The following MACROD2 variants were observed in gnomAD, a reference collection of about 807,000 sequenced individuals.
MACROD2 encodes ADP-ribose glycohydrolase MACROD2.
Under a neutral mutation model 70.4 loss-of-function variants are expected in MACROD2, and 36 were observed. The observed-to-expected ratio is 0.51, with a 90% CI of 0.39 to 0.68. MACROD2 has a LOEUF of 0.68. Among genes scored for constraint, MACROD2 ranks in the 30% least tolerant of loss-of-function variants. The pLI is 0.00. For synonymous variants in MACROD2, 172 were observed against 178.8 expected, an observed-to-expected ratio of 0.96 and a Z score of 0.30; for missense variants, 496 against 538.4, an observed-to-expected ratio of 0.92 and a Z score of 0.78.
chr20:14,054,014 CATCTTGCGA>C (rs1246349741), intron 2 of MACROD2, among the ~76,000 whole-genome samples: 1 of 151,938 alleles, frequency 6.6e-6, no homozygotes, highest in African/African-American at 2.4e-5. Flanking sequence ...ATATAGAAAC[CATCTTGCGA>C]ATTGGTTTGT....
chr20:14,494,952 A>C (rs532274469), intron 4 of MACROD2, among the ~76,000 whole-genome samples: 1 of 152,156 alleles, frequency 6.6e-6, no homozygotes, highest in Non-Finnish European at 1.5e-5. Context: ...ATTTTAAGAA[A>C]CCTCACGAAT....
chr20:15,968,828 TATATATATATAC>T (rs1218057254), intron 13 of MACROD2, among the ~76,000 whole-genome samples: 2 of 120,676 alleles, frequency 1.7e-5, no homozygotes, highest in Non-Finnish European at 3.4e-5. Context: ...TATATATATA[TATATATATATAC>T]ACACATATAC....
intron 8 of MACROD2, among the ~76,000 whole-genome samples, chr20:15,512,817 A>G (rs1395026786): frequency 6.6e-6 from 1 of 152,136 alleles, no homozygotes; most frequent in Non-Finnish European, 1.5e-5. Context: ...ATTAAAATTC[A>G]TTGCTGAGAA....
intron 6 of MACROD2, among the ~76,000 whole-genome samples, chr20:15,357,892 C>T (rs184613820): frequency 4.6e-5 from 7 of 151,464 alleles, no homozygotes; most frequent in South Asian, 2.1e-4. Flanking sequence ...CTGCAAGCTC[C>T]GCCTCCCGGG....
intron 4 of MACROD2, among the ~76,000 whole-genome samples, chr20:14,531,794 A>G (rs1180954665): frequency 1.3e-5 from 2 of 152,306 alleles, no homozygotes; most frequent in East Asian, 3.9e-4. Flanking sequence ...TCTCAGACAC[A>G]GAGCCACTAG....
At chr20:15,753,575 A>G (rs1225478131) in intron 8 of MACROD2, among the ~76,000 whole-genome samples, 1 of 152,222 alleles carries the variant, frequency 6.6e-6, no homozygotes, top group Non-Finnish European at 1.5e-5. Context: ...TGCAATGAAC[A>G]TACAAGTACT....
At chr20:14,750,574 C>T (rs898945873) in intron 5 of MACROD2, among the ~76,000 whole-genome samples, 8 of 152,018 alleles carry the variant, frequency 5.3e-5, no homozygotes, top group African/African-American at 1.7e-4. Context: ...ATCTGCTCAC[C>T]TTAGCCTCCT....
At chr20:15,228,327 A>G (rs1262098030) in intron 5 of MACROD2, among the ~76,000 whole-genome samples, 1 of 152,146 alleles carries the variant, frequency 6.6e-6, no homozygotes, top group Non-Finnish European at 1.5e-5. Flanking sequence ...TCCTTTGATC[A>G]CATGAGATGA....
intron 8 of MACROD2, among the ~76,000 whole-genome samples, chr20:15,689,346 T>C (rs754102898): frequency 6.6e-6 from 1 of 151,626 alleles, no homozygotes; most frequent in Non-Finnish European, 1.5e-5. Context: ...CCTTGGACCT[T>C]AGCTTTTAGA....
chr20:14,749,671 C>A (rs1237312449), intron 5 of MACROD2, among the ~76,000 whole-genome samples: 1 of 152,070 alleles, frequency 6.6e-6, no homozygotes, highest in African/African-American at 2.4e-5. Context: ...AAATTTTAAT[C>A]TAAATGATCT....
intron 8 of MACROD2, among the ~76,000 whole-genome samples, chr20:15,590,962 A>AGAAT (rs2048670259): frequency 6.6e-6 from 1 of 150,990 alleles, no homozygotes; most frequent in Non-Finnish European, 1.5e-5. Context: ...AGAAAGAAAA[A>AGAAT]GAAAGAAAGA....
chr20:15,909,562 C>T (rs1161974159), intron 10 of MACROD2, among the ~76,000 whole-genome samples: 5 of 129,798 alleles, frequency 3.9e-5, no homozygotes, highest in South Asian at 2.5e-4. Context: ...CTCTCTCTGT[C>T]GCCCAGGCTG....
chr20:15,598,465 C>T (rs938695060), intron 8 of MACROD2, among the ~76,000 whole-genome samples: 7 of 152,058 alleles, frequency 4.6e-5, no homozygotes, highest in Admixed American at 4.6e-4. Flanking sequence ...CTCAGATGCC[C>T]GACTGAGGTT....
intron 10 of MACROD2, among the ~76,000 whole-genome samples, chr20:15,903,769 G>A (rs561933101): frequency 6.6e-6 from 1 of 152,332 alleles, no homozygotes; most frequent in East Asian, 1.9e-4. Context: ...TATTTTAAAA[G>A]AAATCTTCTG....
At chr20:14,611,379 T>C (rs553695793) in intron 4 of MACROD2, among the ~76,000 whole-genome samples, 2 of 151,978 alleles carry the variant, frequency 1.3e-5, no homozygotes, top group African/African-American at 2.4e-5. Context: ...AATTCAAGTT[T>C]ACTGGTTATT....
At chr20:15,545,452 G>A (rs2048013738) in intron 8 of MACROD2, among the ~76,000 whole-genome samples, 1 of 152,110 alleles carries the variant, frequency 6.6e-6, no homozygotes. Context: ...CCATCTGTTG[G>A]CAGCAGCCCA....
At position 15,433,491 on chromosome 20, in the gene MACROD2, T is replaced by G. The variant is rs1029339685; in HGVS notation, c.571+2056T>G. Among the ~76,000 whole-genome samples, 95 of 134,606 alleles carry G rather than the reference T, an allele frequency of 7.1e-4. 1 individual carries two copies. Among genetic ancestry groups the G allele is most frequent in the African/African-American group, 2.5e-3 (88 of 35,696 alleles). The allele number at this position is 134,606 out of a possible 152,430, so 88.3% of individuals were successfully genotyped here. A position where few individuals can be genotyped will look rare whatever the true frequency, so the allele number is the denominator to read the frequency against. ...AAAAAAAAAAAAAAGATAAAATATT[T>G]AGGATTATACTTAACCAAGGAGGTG... On this transcript the variant is annotated intron_variant, in intron 7 of 17. Transcript: ENST00000684519.
At chr20:14,998,328 G>T (rs1310207847) in intron 5 of MACROD2, among the ~76,000 whole-genome samples, 1 of 152,158 alleles carries the variant, frequency 6.6e-6, no homozygotes, top group Non-Finnish European at 1.5e-5. Flanking sequence ...TTCAGATGGA[G>T]AATTCAAAAT....
chr20:14,030,776 T>C (rs1003870858), intron 2 of MACROD2, among the ~76,000 whole-genome samples: 1 of 150,912 alleles, frequency 6.6e-6, no homozygotes, highest in African/African-American at 2.4e-5. Flanking sequence ...CCAAAGGACT[T>C]GTGGTCAGAC....
Sources: allele counts gnomAD v4.1 joint callset (sites outside exome capture counted in the v4.1 genomes callset), GRCh38; gene constraint gnomAD v4.1.1; transcripts MANE v1.5; gene names NCBI Gene and HGNC (gene_info 2026-07-23, HGNC 2026-07-21).